The following RHOD variants were observed in gnomAD, a reference collection of about 807,000 sequenced individuals.
RHOD encodes rho-related GTP-binding protein RhoD.
A neutral mutation model predicts 16.7 loss-of-function variants in RHOD; 11 were observed. That is an observed-to-expected ratio of 0.66 (90% CI 0.41 to 1.09). The LOEUF is 1.09. Ranked by LOEUF, RHOD falls within the 50% of genes least tolerant of loss-of-function variation. The pLI, the probability that RHOD is intolerant of heterozygous loss-of-function variation, is 0.00. For synonymous variants in RHOD, 124 were observed against 126.3 expected (o/e 0.98, Z 0.12); for missense variants, 271 against 291.7 (o/e 0.93, Z 0.52).
At chr11:67,070,097 G>A (rs1855007896) in intron 3 of RHOD, among the ~76,000 whole-genome samples, 1 of 152,154 alleles carries the variant, frequency 6.6e-6, no homozygotes, top group South Asian at 2.1e-4. Flanking sequence ...TAGAACGGCA[G>A]GAGCAGGGTT....
At position 67,071,521 on chromosome 11, in the gene RHOD, G is replaced by A. The variant is rs1416681262; in HGVS notation, c.552G>A (p.Gln184=). 1.9e-6 allele frequency: 3 copies of A among 1,611,868 alleles called. No individual in the cohort carries two copies. In the East Asian group the frequency reaches 6.7e-5, roughly 36 times the overall value. The change falls in exon 5 of 5, where the codon CAG becomes CAA. Residue 184 remains glutamine, a synonymous_variant. Coordinates refer to ENST00000308831, the MANE Select transcript of RHOD (RefSeq NM_014578.4). ...RLHDNVHAVF[Q]EAAEVALSSR... ...ATGACAACGTCCACGCCGTCTTCCA[G>A]GAGGCCGCCGAGGTGGCCCTCAGCA...
At chr11:67,064,853 G>C (rs1854938503) in intron 1 of RHOD, among the ~76,000 whole-genome samples, 1 of 152,078 alleles carries the variant, frequency 6.6e-6, no homozygotes, top group Admixed American at 6.6e-5. Context: ...GGGTTGCAGT[G>C]AGCTGTGGTG....
At position 67,065,266 on chromosome 11, in the gene RHOD, G is replaced by A. The variant is rs193024005; in HGVS notation, c.133-630G>A. Among the ~76,000 whole-genome samples, 275 of 152,302 alleles carry A rather than the reference G, an allele frequency of 1.8e-3. 3 individuals are homozygous for A. Among genetic ancestry groups the A allele is most frequent in the African/African-American group, 6.5e-3 (269 of 41,564 alleles). On this transcript the variant is annotated intron_variant, in intron 1 of 4. Transcript: ENST00000308831. ...AATTTTTGTATTTTTAGTAGAGACA[G>A]GGTTTCACCATGTTGGTCAGCCTGG...
Position 67,066,027 on chromosome 11 carries a change from G to A in RHOD, c.220+44G>A, listed in dbSNP as rs188413534. 412 of 1,373,880 alleles carry A rather than the reference G, an allele frequency of 3.0e-4. 3 individuals carry two copies. In the African/African-American group the frequency reaches 5.4e-3, roughly 18 times the overall value. The allele number at this position is 1,373,880 out of a possible 1,614,324, so 85.1% of individuals were successfully genotyped here. On this transcript the variant is annotated intron_variant, in intron 2 of 4. Transcript: ENST00000308831. ...GGCAGGGTGGGAGGGGCTTCTGTGG[G>A]CCCCTGATGCCTGGGACAGATTCCG...
At chr11:67,058,339 C>G (rs570882503) in intron 1 of RHOD, among the ~76,000 whole-genome samples, 55 of 152,284 alleles carry the variant, frequency 3.6e-4, no homozygotes, top group Admixed American at 5.2e-4. Context: ...CCGTGCCCAG[C>G]TAATTTTTGT....
At chr11:67,066,009 T>TGGGGGGGGGGGGGGGGGGGG in intron 2 of RHOD, 26 bp downstream of exon 2, 1 of 566,858 alleles carries the variant, frequency 1.8e-6, no homozygotes, top group South Asian at 1.4e-5. Context: ...TGGGGCAGGG[T>TGGGGGGGGGGGGGGGGGGGG]GGGAGGGGCT....
At chr11:67,066,023 G>A (rs1274092189) in intron 2 of RHOD, 40 bp downstream of exon 2, 1 of 1,385,086 alleles carries the variant, frequency 7.2e-7, no homozygotes, top group Non-Finnish European at 1.0e-6. Flanking sequence ...AGGGGCTTCT[G>A]TGGGCCCCTG....
intron 3 of RHOD, among the ~76,000 whole-genome samples, chr11:67,068,575 G>C (rs898995087): frequency 6.6e-6 from 1 of 152,170 alleles, no homozygotes; most frequent in African/African-American, 2.4e-5. Flanking sequence ...CACTTTGGGA[G>C]GCTGAGGAGG....
At chr11:67,057,553 G>A (rs376939859) in intron 1 of RHOD, among the ~76,000 whole-genome samples, 10 of 152,332 alleles carry the variant, frequency 6.6e-5, no homozygotes, top group African/African-American at 2.2e-4. Flanking sequence ...ACGGAGAGTT[G>A]GCACATGTCG....
chr11:67,058,152 C>T (rs926773473), intron 1 of RHOD, among the ~76,000 whole-genome samples: 4 of 151,890 alleles, frequency 2.6e-5, no homozygotes, highest in Admixed American at 1.3e-4. Flanking sequence ...CCCACCACCA[C>T]GCCTAGCTAA....
At chr11:67,063,014 AG>A (rs1854910708) in intron 1 of RHOD, among the ~76,000 whole-genome samples, 1 of 152,230 alleles carries the variant, frequency 6.6e-6, no homozygotes, top group African/African-American at 2.4e-5. Context: ...CAGTGAGCTC[AG>A]GCTGGGCAGG....
In RHOD at chr11:67,059,356, A is replaced by G. The variant is rs1854858140; in HGVS notation, c.132+2322A>G. The stretch of plus-strand genomic sequence containing the variant: ...GGAATTCAAGACCAGCCTGGCCAAC[A>G]TGGTGAAACCCCATGTCTACCGAAA... On this transcript the variant is annotated intron_variant, in intron 1 of 4. Coordinates refer to ENST00000308831, the MANE Select transcript of RHOD (RefSeq NM_014578.4). 2.0e-5 allele frequency among the ~76,000 whole-genome samples: 3 copies of G among 152,080 alleles called. No individual in the cohort carries two copies. In the South Asian group the frequency reaches 6.2e-4, roughly 32 times the overall value.
intron 1 of RHOD, among the ~76,000 whole-genome samples, chr11:67,060,814 T>C (rs1423204448): frequency 6.6e-6 from 1 of 152,232 alleles, no homozygotes; most frequent in Non-Finnish European, 1.5e-5. Flanking sequence ...TGCAAAGCAC[T>C]GAAACATGTC....
At position 67,056,902 on chromosome 11, in the gene RHOD, G is replaced by T. The variant is rs1208913919; in HGVS notation, c.-1G>T. 1 of 1,445,542 alleles carries T rather than the reference G, an allele frequency of 6.9e-7. No homozygotes were observed. Among genetic ancestry groups the T allele is most frequent in the Admixed American group, 2.9e-5 (1 of 34,960 alleles). 89.5% of individuals were successfully genotyped at this position (1,445,542 alleles called of 1,614,324 possible). On this transcript the variant is annotated 5_prime_UTR_variant, in exon 1 of 5. Coordinates refer to ENST00000308831, the MANE Select transcript of RHOD (RefSeq NM_014578.4). ...CCGCCCGCTCAGCGCCCGGCCCCGG[G>T]ATGACGGCGGCCCAGGCCGCGGGTG...
rs180969769 is a variant in RHOD, at chr11:67,057,544, C to T, written c.132+510C>T. ...CCGGCCTGTGCACAGGAAGGACTCA[C>T]GGAGAGTTGGCACATGTCGCTCCTG... is the stretch of plus-strand genomic sequence containing the variant. On this transcript the variant is annotated intron_variant, in intron 1 of 4. Transcript: ENST00000308831. 4.6e-5 allele frequency among the ~76,000 whole-genome samples: 7 copies of T among 152,296 alleles called. No individual in the cohort carries two copies. The East Asian group carries it at 1.2e-3, about 25-fold the overall frequency.
intron 1 of RHOD, among the ~76,000 whole-genome samples, chr11:67,063,091 G>GTTC (rs1854911762): frequency 1.3e-5 from 2 of 151,808 alleles, no homozygotes; most frequent in Non-Finnish European, 2.9e-5. Flanking sequence ...AAGAAGAAAG[G>GTTC]CCCAAACATG....
intron 4 of RHOD, among the ~76,000 whole-genome samples, chr11:67,071,130 T>C (rs1256886300): frequency 2.0e-5 from 3 of 151,952 alleles, no homozygotes; most frequent in African/African-American, 7.3e-5. Flanking sequence ...CTAGCTACTC[T>C]GGAGGCAGAG....
intron 1 of RHOD, among the ~76,000 whole-genome samples, chr11:67,058,625 C>A (rs1854847697): frequency 6.6e-6 from 1 of 152,162 alleles, no homozygotes; most frequent in South Asian, 2.1e-4. Flanking sequence ...TCCTCCTTTT[C>A]TTCCCAGCAT....
At chr11:67,057,289 C>G (rs573239097) in intron 1 of RHOD, among the ~76,000 whole-genome samples, 8 of 152,230 alleles carry the variant, frequency 5.3e-5, no homozygotes, top group Non-Finnish European at 1.2e-4. Flanking sequence ...CCTGGGTGCA[C>G]ACAAGATCCT....
Sources: gnomAD v4.1 joint callset for allele counts (sites outside exome capture counted in the v4.1 genomes callset) on GRCh38, gnomAD v4.1.1 for gene constraint, MANE v1.5 for transcripts, NCBI Gene and HGNC (gene_info 2026-07-23, HGNC 2026-07-21) for gene names.